The following PMEPA1 variants were observed in gnomAD, a reference collection of about 807,000 sequenced individuals.
PMEPA1 encodes the protein protein TMEPAI.
Under a neutral mutation model 23.0 loss-of-function variants are expected in PMEPA1, and 11 were observed. The ratio of observed to expected loss-of-function variants is 0.48; its 90% CI spans 0.30 to 0.79. The LOEUF (loss-of-function observed/expected upper bound fraction) is 0.79, where lower values mean the gene tolerates loss of function less well. Ranked by LOEUF, PMEPA1 falls within the 30% of genes least tolerant of loss-of-function variation. The pLI, the probability that PMEPA1 is intolerant of heterozygous loss-of-function variation, is 0.06. For synonymous variants in PMEPA1, 204 were observed against 166.4 expected (o/e 1.23, Z -1.74); for missense variants, 377 against 390.9 (o/e 0.96, Z 0.30).
In PMEPA1 at chr20:57,682,794, T is replaced by C. The variant is rs6025722; in HGVS notation, c.110-23097A>G. ...TTTCTGCTAGATGCTGCCTGGGAGCTGGGCTTTCTGCATGAGCAGGCCCCG... is the reference window on the plus strand; with the variant it reads ...TTTCTGCTAGATGCTGCCTGGGAGCCGGGCTTTCTGCATGAGCAGGCCCCG... On this transcript the variant is annotated intron_variant, in intron 1 of 3. Transcript: ENST00000341744. This position sits in a 1 kb window ranked among gnomAD's most constrained non-coding sequence, Gnocchi z 4.4. Among the ~76,000 whole-genome samples the C allele has an allele frequency of 0.23, 34,262 of 152,262 alleles. 4,965 individuals are homozygous for C. The highest frequency in any genetic ancestry group is 0.42 in the African/African-American group (17,396 of 41,534).
rs897820991 is a variant in PMEPA1 at position 57,683,594 on chromosome 20, A to C, written c.110-23897T>G. 1.8e-5 allele frequency among the ~76,000 whole-genome samples: 2 copies of C among 114,172 alleles called. No individual in the cohort carries two copies. Among genetic ancestry groups the C allele is most frequent in the Admixed American group, 1.9e-4 (2 of 10,356 alleles). 74.9% of individuals were successfully genotyped at this position (114,172 alleles called of 152,430 possible). A position where few individuals can be genotyped will look rare whatever the true frequency, so the allele number is the denominator to read the frequency against. On this transcript the variant is annotated intron_variant, in intron 1 of 3. Transcript: ENST00000341744. The surrounding 1 kb of genome is among the most constrained non-coding windows in gnomAD (Gnocchi z 4.3). ...GTGTGTGTGTGTGTGTTTCTTTTAAAAGTCTCTTCCCCTGAAAATACTTCA... is the reference window on the plus strand; with the variant it reads ...GTGTGTGTGTGTGTGTTTCTTTTAACAGTCTCTTCCCCTGAAAATACTTCA...
intron 1 of PMEPA1, among the ~76,000 whole-genome samples, chr20:57,675,655 G>A (rs569748973): frequency 1.3e-5 from 2 of 152,218 alleles, no homozygotes; most frequent in East Asian, 1.9e-4. Flanking sequence ...CGGGCCCAGC[G>A]GCAGCTTGAG....
Position 57,653,077 on chromosome 20 carries a change from G to T in PMEPA1, c.274C>A (p.Leu92Met). The T allele has an allele frequency of 6.3e-7, 1 of 1,587,728 alleles. No homozygotes were observed. Among genetic ancestry groups the T allele is most frequent in the Non-Finnish European group, 8.6e-7 (1 of 1,166,604 alleles). ...GACACTGTGCTCTCCGAGGGCCACA[G>T]GCATCCTTCCTGCACAGGAAGAAAC... ...REDALSSEGC[L>M]WPSESTVSGN... is the part of the protein sequence containing the mutation. The change falls in exon 3 of 4, where the codon CTG becomes ATG. Residue 92 changes from leucine (L) to methionine (M), a missense_variant. Physicochemically the swap from Leu to Met is conservative, Grantham distance 15 (BLOSUM62 2). Transcript: ENST00000341744.
rs1245224079 is a variant in PMEPA1, at chr20:57,683,281, C to T, written c.110-23584G>A. On this transcript the variant is annotated intron_variant, in intron 1 of 3. Coordinates refer to ENST00000341744, the MANE Select transcript of PMEPA1 (RefSeq NM_020182.5). This position sits in a 1 kb window ranked among gnomAD's most constrained non-coding sequence, Gnocchi z 4.3. ...TGCGTTTTTGATGTGCTGAGAGAGG[C>T]CAGTTTTTGGAGGGAAACATCAATA... is the stretch of plus-strand genomic sequence containing the variant. Among the ~76,000 whole-genome samples the T allele has an allele frequency of 2.6e-5, 4 of 152,164 alleles. No individual in the cohort carries two copies. The highest frequency in any genetic ancestry group is 9.7e-5 in the African/African-American group (4 of 41,438).
chr20:57,686,464 G>C (rs752916909), intron 1 of PMEPA1, among the ~76,000 whole-genome samples: 2 of 152,100 alleles, frequency 1.3e-5, no homozygotes, highest in Admixed American at 6.5e-5. Flanking sequence ...CCAGACGCTG[G>C]AACCAGACAA....
At chr20:57,666,747 T>C (rs1385411315) in intron 1 of PMEPA1, among the ~76,000 whole-genome samples, 2 of 151,986 alleles carry the variant, frequency 1.3e-5, no homozygotes, top group Admixed American at 6.6e-5. Context: ...AGGAAGCGGG[T>C]GCCAGGAGTT....
At chr20:57,662,355 CG>C (rs1307994015) in intron 1 of PMEPA1, among the ~76,000 whole-genome samples, 1 of 152,188 alleles carries the variant, frequency 6.6e-6, no homozygotes, top group Non-Finnish European at 1.5e-5. Context: ...TGAGGAGACA[CG>C]GGCTCAGAGG....
intron 1 of PMEPA1, among the ~76,000 whole-genome samples, chr20:57,696,983 G>C (rs952951228): frequency 6.6e-6 from 1 of 152,236 alleles, no homozygotes; most frequent in Non-Finnish European, 1.5e-5. Context: ...TGCTCTTGGA[G>C]TCACCCTTGG....
At chr20:57,664,688 C>A (rs1377472391) in intron 1 of PMEPA1, among the ~76,000 whole-genome samples, 1 of 152,176 alleles carries the variant, frequency 6.6e-6, no homozygotes, top group African/African-American at 2.4e-5. Flanking sequence ...ACTGCCAACG[C>A]GAGGCGGAAG....
intron 1 of PMEPA1, among the ~76,000 whole-genome samples, chr20:57,685,569 C>T (rs2071790069): frequency 6.6e-6 from 1 of 152,102 alleles, no homozygotes; most frequent in Non-Finnish European, 1.5e-5. Flanking sequence ...GCTAAGTTAT[C>T]GGTCTGGTTT....
At chr20:57,676,572 GA>G (rs1056216433) in intron 1 of PMEPA1, among the ~76,000 whole-genome samples, 83 of 152,346 alleles carry the variant, frequency 5.4e-4, no homozygotes, top group African/African-American at 1.9e-3. Context: ...GAAATGGTGA[GA>G]AAACTCAAGA....
intron 1 of PMEPA1, among the ~76,000 whole-genome samples, chr20:57,666,184 G>A (rs1191127091): frequency 1.3e-5 from 2 of 152,056 alleles, no homozygotes; most frequent in Non-Finnish European, 2.9e-5. Context: ...TAACAGGTTC[G>A]TGTGCCTCGT....
Position 57,682,658 on chromosome 20 carries a change from T to TAAA in PMEPA1, c.110-22964_110-22962dup, listed in dbSNP as rs33918233. Among the ~76,000 whole-genome samples, 3 of 151,712 alleles carry TAAA rather than the reference T, an allele frequency of 2.0e-5. No homozygotes were observed. The highest frequency in any genetic ancestry group is 6.6e-5 in the Admixed American group (1 of 15,246). On this transcript the variant is annotated intron_variant, in intron 1 of 3. Coordinates refer to ENST00000341744, the MANE Select transcript of PMEPA1 (RefSeq NM_020182.5). This position sits in a 1 kb window ranked among gnomAD's most constrained non-coding sequence, Gnocchi z 4.4. ...ACCCACACTCCTCCAGTTTTTGATT[T>TAAA]AAAAAAAATCCCTGAAACAGCACCC...
chr20:57,702,928 T>C (rs932918367), intron 1 of PMEPA1, among the ~76,000 whole-genome samples: 2 of 152,220 alleles, frequency 1.3e-5, no homozygotes, highest in African/African-American at 4.8e-5. Context: ...AGTCTGGGGA[T>C]GCCCCAAGCT....
In PMEPA1 at chr20:57,682,453, G is replaced by T. The variant is rs1472025115; in HGVS notation, c.110-22756C>A. Among the ~76,000 whole-genome samples, 1 of 152,148 alleles carries T rather than the reference G, an allele frequency of 6.6e-6. No homozygotes were observed. Among genetic ancestry groups the T allele is most frequent in the East Asian group, 1.9e-4 (1 of 5,202 alleles). On this transcript the variant is annotated intron_variant, in intron 1 of 3. Coordinates refer to ENST00000341744, the MANE Select transcript of PMEPA1 (RefSeq NM_020182.5). The surrounding 1 kb of genome is among the most constrained non-coding windows in gnomAD (Gnocchi z 4.4). ...TGGTAACTAGGGGCCCAGGTTCTGG[G>T]TCTCCCTGGAGTGTCGGGGTCCTAG...
At chr20:57,710,512 G>A (rs992074401), upstream of PMEPA1, 1 of 1,593,730 alleles carries the variant, frequency 6.3e-7, no homozygotes, top group Non-Finnish European at 8.5e-7. Context: ...CAGCAGCTCG[G>A]GGATCATGGC....
intron 1 of PMEPA1, chr20:57,690,625 C>T (rs906894971): frequency 8.3e-7 from 1 of 1,200,184 alleles, no homozygotes; most frequent in Admixed American, 3.1e-5. Context: ...GCCTGGAGAG[C>T]AGGCGCGCAC....
chr20:57,688,089 T>A (rs536866302), intron 1 of PMEPA1, among the ~76,000 whole-genome samples: 42 of 152,234 alleles, frequency 2.8e-4, no homozygotes, highest in African/African-American at 9.4e-4. Context: ...CGGCCTCAGC[T>A]CAGCCTCCGC....
chr20:57,708,358 CA>C (rs2072116421), intron 1 of PMEPA1, among the ~76,000 whole-genome samples: 1 of 152,162 alleles, frequency 6.6e-6, no homozygotes, highest in Admixed American at 6.5e-5. Flanking sequence ...GGCTGGGGGA[CA>C]AGGTGTAGGC....
Sources: gnomAD v4.1 joint callset for allele counts (sites outside exome capture counted in the v4.1 genomes callset) on GRCh38, gnomAD v4.1.1 for gene constraint, Gnocchi (gnomAD v3.1) non-coding constraint, MANE v1.5 for transcripts, NCBI Gene and HGNC (gene_info 2026-07-23, HGNC 2026-07-21) for gene names.